Variants in GALNT14 observed in about 807,000 individuals in gnomAD.
The protein encoded by GALNT14 is UDP-GalNAc:polypeptide N-acetylgalactosaminyltransferase 14.
GALNT14 carries 60 observed loss-of-function variants against 77.5 expected under a neutral mutation model. That is an observed-to-expected ratio of 0.77 (90% CI 0.63 to 0.96). GALNT14 has a LOEUF of 0.96. Among genes scored for constraint, GALNT14 ranks in the 40% least tolerant of loss-of-function variants. The probability of loss-of-function intolerance (pLI) is 0.00; values close to 1 mark genes in which losing one functional copy is unlikely to be tolerated. For synonymous variants in GALNT14, 280 were observed against 281.7 expected (o/e 0.99, Z 0.06); for missense variants, 710 against 731.0 (o/e 0.97, Z 0.33).
chr2:31,052,271 C>T (rs1233716521), intron 1 of GALNT14, among the ~76,000 whole-genome samples: 2 of 152,172 alleles, frequency 1.3e-5, no homozygotes, highest in African/African-American at 4.8e-5. Context: ...CCTTGTCTCC[C>T]TGTACTTCTG....
At chr2:31,045,179 A>G (rs764031842) in intron 1 of GALNT14, among the ~76,000 whole-genome samples, 2 of 152,182 alleles carry the variant, frequency 1.3e-5, no homozygotes, top group Non-Finnish European at 2.9e-5. Flanking sequence ...TGGGGCGTTC[A>G]GGAAGATGAG....
intron 1 of GALNT14, chr2:31,129,671 C>G: frequency 4.1e-6 from 4 of 984,806 alleles, no homozygotes; most frequent in Non-Finnish European, 4.8e-6. Context: ...GTTGCAGCTG[C>G]GAGAGATGGG....
intron 1 of GALNT14, among the ~76,000 whole-genome samples, chr2:31,014,801 T>A (rs1671249194): frequency 6.6e-6 from 1 of 152,194 alleles, no homozygotes; most frequent in Admixed American, 6.5e-5. Flanking sequence ...AGTGCAAAGT[T>A]CTGTGTGGGT....
At chr2:30,982,193 G>C (rs995966866) in intron 2 of GALNT14, among the ~76,000 whole-genome samples, 1 of 152,144 alleles carries the variant, frequency 6.6e-6, no homozygotes, top group Admixed American at 6.5e-5. Context: ...TCAGCCTCCT[G>C]GTAGGCAAAA....
intron 3 of GALNT14, among the ~76,000 whole-genome samples, chr2:30,961,234 T>G (rs1262726935): frequency 6.6e-6 from 1 of 152,244 alleles, no homozygotes; most frequent in Non-Finnish European, 1.5e-5. Context: ...CAGGCTTTTG[T>G]GCCTGTGAAA....
In GALNT14 at chr2:30,986,035, C is replaced by T. The variant is rs148339822; in HGVS notation, c.299+6803G>A. On this transcript the variant is annotated intron_variant, in intron 2 of 14. Coordinates refer to ENST00000349752, the MANE Select transcript of GALNT14 (RefSeq NM_024572.4). ...TAAATAGAAGGAGGGAGAAATGCTA[C>T]GAGAGGCTGGGCCACTGCCCCTTCA... 8.5e-5 allele frequency among the ~76,000 whole-genome samples: 13 copies of T among 152,240 alleles called. No homozygotes were observed. In the East Asian group the frequency reaches 1.2e-3, roughly 14 times the overall value.
chr2:31,119,345 G>A (rs1023229205), intron 1 of GALNT14, among the ~76,000 whole-genome samples: 4 of 152,088 alleles, frequency 2.6e-5, no homozygotes, highest in Non-Finnish European at 4.4e-5. Context: ...AACATGCAAA[G>A]AGCTCTTTTA....
rs182341535 is a variant in GALNT14 at position 31,010,531 on chromosome 2, C to T, written c.130-17524G>A. Among the ~76,000 whole-genome samples the T allele has an allele frequency of 4.1e-3, 625 of 152,304 alleles. 2 individuals carry two copies. The highest frequency in any genetic ancestry group is 0.019 in the South Asian group (90 of 4,812). The stretch of plus-strand genomic sequence containing the variant: ...TTGGGAGGCTGAGGCAGGAGAATGG[C>T]GTGAACCCGGGAGGTGGAGCTTGCA... On this transcript the variant is annotated intron_variant, in intron 1 of 14. Transcript: ENST00000349752.
chr2:30,945,950 G>C, intron 6 of GALNT14, 80 bp from the exon 7 acceptor site: 1 of 1,146,466 alleles, frequency 8.7e-7, no homozygotes, highest in Non-Finnish European at 1.3e-6. Flanking sequence ...GCCTCGTGAG[G>C]GTAGGGCCAG....
the GALNT14 span, among the ~76,000 whole-genome samples, chr2:30,897,904 T>C: frequency 1.3e-5 from 2 of 152,184 alleles, no homozygotes; most frequent in African/African-American, 4.8e-5. Context: ...GGTCTGAGTC[T>C]TCTCCAGGAC....
intron 13 of GALNT14, among the ~76,000 whole-genome samples, chr2:30,916,982 AAGG>A (rs1235755313): frequency 6.7e-6 from 1 of 149,820 alleles, no homozygotes; most frequent in East Asian, 2.0e-4. Flanking sequence ...GAGGCTGAAG[AAGG>A]AGAATTGCTG....
intron 8 of GALNT14, 57 bp downstream of exon 8, chr2:30,944,801 T>G: frequency 2.2e-6 from 3 of 1,366,556 alleles, no homozygotes; most frequent in Non-Finnish European, 3.0e-6. Flanking sequence ...CTCCCTACAC[T>G]TGACAGGATC....
chr2:30,964,924 T>C (rs527654429), intron 3 of GALNT14, among the ~76,000 whole-genome samples: 2 of 152,294 alleles, frequency 1.3e-5, no homozygotes, highest in South Asian at 4.2e-4. Flanking sequence ...GCCTGCATGA[T>C]GGAAACAATG....
At chr2:30,907,275 G>GT (rs1388353553), downstream of GALNT14, among the ~76,000 whole-genome samples, 2 of 152,128 alleles carry the variant, frequency 1.3e-5, no homozygotes, top group Non-Finnish European at 2.9e-5. Flanking sequence ...CCAGGAGCTG[G>GT]TTTTTTGAAA....
chr2:30,959,763 T>A (rs905663767), intron 3 of GALNT14, among the ~76,000 whole-genome samples: 2 of 152,180 alleles, frequency 1.3e-5, no homozygotes, highest in Admixed American at 1.3e-4. Context: ...TGGATCTCTA[T>A]CCAGGGGCAA....
chr2:31,004,311 G>A (rs986607626), intron 1 of GALNT14, among the ~76,000 whole-genome samples: 2 of 152,136 alleles, frequency 1.3e-5, no homozygotes, highest in Admixed American at 1.3e-4. Context: ...AGCACAGGAG[G>A]GTGAATTTGC....
At chr2:30,948,542 G>A (rs966251121) in intron 6 of GALNT14, among the ~76,000 whole-genome samples, 6 of 152,192 alleles carry the variant, frequency 3.9e-5, no homozygotes, top group Non-Finnish European at 8.8e-5. Flanking sequence ...TGGATATCGA[G>A]GCTTGCGGGG....
intron 6 of GALNT14, among the ~76,000 whole-genome samples, chr2:30,947,641 G>A (rs939822230): frequency 2.6e-5 from 4 of 152,328 alleles, no homozygotes; most frequent in Admixed American, 2.6e-4. Context: ...TGGGAACCAG[G>A]CAGGACTGCT....
intron 9 of GALNT14, among the ~76,000 whole-genome samples, chr2:30,933,293 T>G (rs887165178): frequency 6.6e-6 from 1 of 152,114 alleles, no homozygotes; most frequent in Non-Finnish European, 1.5e-5. Context: ...CAGCTCCTCA[T>G]GTGTAGGTAT....
Sources: gnomAD v4.1 joint callset for allele counts (sites outside exome capture counted in the v4.1 genomes callset) on GRCh38, gnomAD v4.1.1 for gene constraint, MANE v1.5 for transcripts, NCBI Gene and HGNC (gene_info 2026-07-23, HGNC 2026-07-21) for gene names.